The following SEPTIN10 variants were observed in gnomAD, a reference collection of about 807,000 sequenced individuals.
SEPTIN10 encodes septin 10.
Under a neutral mutation model 54.8 loss-of-function variants are expected in SEPTIN10, and 66 were observed. That is an observed-to-expected ratio of 1.21 (90% CI 0.99 to 1.48). The LOEUF (loss-of-function observed/expected upper bound fraction) is 1.48, where lower values mean the gene tolerates loss of function less well. SEPTIN10 is among the 40% of genes most tolerant of loss of function. SEPTIN10 has a pLI of 0.00. For missense variants in SEPTIN10, 620 were observed against 545.6 expected, an observed-to-expected ratio of 1.14 and a Z score of -1.36; for synonymous variants, 161 against 181.0, an observed-to-expected ratio of 0.89 and a Z score of 0.89.
chr2:109,577,749 C>A (rs1690040524), intron 4 of SEPTIN10, among the ~76,000 whole-genome samples: 1 of 151,662 alleles, frequency 6.6e-6, no homozygotes, highest in Non-Finnish European at 1.5e-5. Flanking sequence ...CCCATCTCCA[C>A]TAAAAATACA....
At chr2:109,590,448 T>C (rs1232193071) in intron 2 of SEPTIN10, among the ~76,000 whole-genome samples, 1 of 151,936 alleles carries the variant, frequency 6.6e-6, no homozygotes, top group East Asian at 1.9e-4. Flanking sequence ...TTTTTTCTTT[T>C]GAGACAGAGT....
chr2:109,559,225 T>C (rs1685069982), intron 8 of SEPTIN10, among the ~76,000 whole-genome samples: 1 of 152,214 alleles, frequency 6.6e-6, no homozygotes, highest in African/African-American at 2.4e-5. Context: ...AAAAGCTTCC[T>C]AATACATCAG....
intron 8 of SEPTIN10, among the ~76,000 whole-genome samples, chr2:109,558,068 AGGC>A (rs1471470867): frequency 4.6e-5 from 7 of 152,192 alleles, no homozygotes; most frequent in African/African-American, 1.7e-4. Context: ...TTGGGATTAC[AGGC>A]GTGAACGACT....
intron 1 of SEPTIN10, among the ~76,000 whole-genome samples, chr2:109,601,302 C>T (rs1250040148): frequency 6.6e-6 from 1 of 152,206 alleles, no homozygotes; most frequent in East Asian, 1.9e-4. Flanking sequence ...AAAGACATCA[C>T]TTTGGAAGTT....
At position 109,543,589 on chromosome 2, in the gene SEPTIN10, G is replaced by A. The variant is rs1680457891; in HGVS notation, c.*720C>T. The A allele has an allele frequency of 3.9e-5, 6 of 152,112 alleles. No homozygotes were observed. The South Asian group carries it at 1.0e-3, about 26-fold the overall frequency. The allele number at this position is 152,112 out of a possible 1,614,324, so 9.4% of individuals were successfully genotyped here. A position where few individuals can be genotyped will look rare whatever the true frequency, so the allele number is the denominator to read the frequency against. ...CAAAACATATTCCCCAAAATTTTTA[G>A]CATATATAAAAAAGGTTCATCTTGG... On this transcript the variant is annotated 3_prime_UTR_variant, in exon 11 of 11. Coordinates refer to ENST00000397712, the MANE Select transcript of SEPTIN10 (RefSeq NM_144710.5).
chr2:109,585,902 T>C, intron 2 of SEPTIN10, 64 bp from the exon 3 acceptor site: 2 of 1,185,946 alleles, frequency 1.7e-6, no homozygotes, highest in Admixed American at 1.9e-5. Flanking sequence ...AAATAGGATG[T>C]AGGCACACTT....
intron 9 of SEPTIN10, among the ~76,000 whole-genome samples, chr2:109,548,469 C>A (rs1212910913): frequency 6.6e-6 from 1 of 152,008 alleles, no homozygotes; most frequent in African/African-American, 2.4e-5. Flanking sequence ...CACGCATGAG[C>A]CACAGCGCCT....
chr2:109,553,269 G>A (rs1445486025), intron 8 of SEPTIN10, 50 bp from the exon 9 acceptor site: 38 of 1,599,456 alleles, frequency 2.4e-5, no homozygotes, highest in Non-Finnish European at 3.1e-5. Context: ...TATAGGTCGG[G>A]TATGGCGGCT....
intron 4 of SEPTIN10, 124 bp from the exon 5 acceptor site, chr2:109,574,891 C>T: frequency 3.6e-6 from 2 of 560,076 alleles, no homozygotes; most frequent in Non-Finnish European, 5.5e-6. Flanking sequence ...CTATGCTGAA[C>T]AGATTAACTT....
At chr2:109,593,811 G>C (rs1694650204) in intron 1 of SEPTIN10, among the ~76,000 whole-genome samples, 1 of 152,188 alleles carries the variant, frequency 6.6e-6, no homozygotes, top group Non-Finnish European at 1.5e-5. Flanking sequence ...TACAATTGTG[G>C]TGTGGTGGGG....
At chr2:109,591,661 C>T (rs1420100639) in intron 2 of SEPTIN10, among the ~76,000 whole-genome samples, 1 of 152,106 alleles carries the variant, frequency 6.6e-6, no homozygotes, top group Admixed American at 6.5e-5. Flanking sequence ...CTTTGGGAGG[C>T]GGAGGCAGAT....
intron 4 of SEPTIN10, among the ~76,000 whole-genome samples, chr2:109,580,566 A>G (rs760995027): frequency 6.7e-4 from 102 of 152,314 alleles, no homozygotes; most frequent in Non-Finnish European, 1.0e-3. Context: ...GCCCACTACC[A>G]TCACTGACTA....
chr2:109,564,675 AT>A, intron 7 of SEPTIN10, 141 bp from the exon 8 acceptor site: 1 of 680,816 alleles, frequency 1.5e-6, no homozygotes, highest in Non-Finnish European at 2.2e-6. Flanking sequence ...AGCTACGATT[AT>A]TTTATACATG....
intron 1 of SEPTIN10, chr2:109,594,892 T>A (rs1440750678): frequency 6.6e-6 from 1 of 151,928 alleles, no homozygotes; most frequent in African/African-American, 2.4e-5. Flanking sequence ...AATAACAATG[T>A]GTTTTTTTTT....
intron 1 of SEPTIN10, chr2:109,613,142 G>A: frequency 7.8e-7 from 1 of 1,285,230 alleles, no homozygotes; most frequent in Non-Finnish European, 1.0e-6. Flanking sequence ...CGATGTACAC[G>A]ACCTTGGTAC....
chr2:109,548,083 A>C (rs10496431), intron 9 of SEPTIN10, among the ~76,000 whole-genome samples: 9,786 of 152,176 alleles, frequency 0.064, 749 homozygotes, highest in East Asian at 0.24. Flanking sequence ...ATGAGAGGAA[A>C]TACAGATGAA....
At chr2:109,582,939 A>G (rs1308237427) in intron 4 of SEPTIN10, among the ~76,000 whole-genome samples, 1 of 152,208 alleles carries the variant, frequency 6.6e-6, no homozygotes, top group Non-Finnish European at 1.5e-5. Flanking sequence ...AGGACTCTCT[A>G]TTCAATAAAT....
rs759142653 is a variant in SEPTIN10 at position 109,552,358 on chromosome 2, A to C, written c.1161+729T>G. ...CACAGATATCCATTTCAGGGCAAAC[A>C]ACCACCCCAGCAACACTCAAAAAAG... On this transcript the variant is annotated intron_variant, in intron 9 of 10. Transcript: ENST00000397712. Among the ~76,000 whole-genome samples the C allele has an allele frequency of 2.6e-5, 4 of 152,310 alleles. No homozygotes were observed. The Middle Eastern group carries it at 0.014, about 518-fold the overall frequency.
chr2:109,606,596 T>A (rs558291101), intron 1 of SEPTIN10, among the ~76,000 whole-genome samples: 106 of 149,442 alleles, frequency 7.1e-4, no homozygotes, highest in South Asian at 6.2e-3. Flanking sequence ...CAGAGATTAC[T>A]AGGCCACTAA....
Sources: allele counts gnomAD v4.1 joint callset (sites outside exome capture counted in the v4.1 genomes callset), GRCh38; gene constraint gnomAD v4.1.1; transcripts MANE v1.5; gene names NCBI Gene and HGNC (gene_info 2026-07-23, HGNC 2026-07-21).